The following PHC1 variants were observed in gnomAD, a reference collection of about 807,000 sequenced individuals.
The protein encoded by PHC1 is polyhomeotic-like protein 1.
Under a neutral mutation model 104.3 loss-of-function variants are expected in PHC1, and 12 were observed. The observed-to-expected ratio is 0.12, with a 90% confidence interval of 0.07 to 0.19. The LOEUF (loss-of-function observed/expected upper bound fraction) is 0.19. Ranked by LOEUF, PHC1 falls within the 10% of genes least tolerant of loss-of-function variation. PHC1 has a pLI of 1.00. For missense variants in PHC1, 671 were observed against 1,200.0 expected (o/e 0.56, Z 6.51); for synonymous variants, 302 against 455.8 (o/e 0.66, Z 4.30).
chr12:8,936,847 G>A lies in PHC1; in HGVS notation c.2369-9G>A, dbSNP rs1945851416. 1 of 1,574,122 alleles carries A rather than the reference G, an allele frequency of 6.4e-7. No individual in the cohort carries two copies. Among genetic ancestry groups the A allele is most frequent in the South Asian group, 1.1e-5 (1 of 89,476 alleles). ...CATGGTGACTGTCCAGCAATACCTT[G>A]TTTTTTAGAGTTAGATAAGAAGGCG... On this transcript the variant is annotated splice_polypyrimidine_tract_variant and intron_variant, in intron 11 of 14. Coordinates refer to ENST00000544916, the MANE Select transcript of PHC1 (RefSeq NM_004426.3).
intron 1 of PHC1, chr12:8,916,218 T>TGG (rs11431930): frequency 1.2e-4 from 18 of 153,166 alleles, no homozygotes; most frequent in Middle Eastern, 6.5e-4. Flanking sequence ...AACTAAAGAC[T>TGG]GGGGGGGGAT....
intron 2 of PHC1, 144 bp downstream of exon 2, chr12:8,917,935 A>G (rs1414123850): frequency 1.7e-6 from 1 of 590,182 alleles, no homozygotes; most frequent in African/African-American, 2.0e-5. Flanking sequence ...TCCAGCTCTG[A>G]GAATCTTAGG....
chr12:8,922,176 C>T (rs1212723603), intron 5 of PHC1, among the ~76,000 whole-genome samples: 1 of 152,178 alleles, frequency 6.6e-6, no homozygotes, highest in African/African-American at 2.4e-5. Flanking sequence ...ACCTACTTCC[C>T]ATACTTTACT....
intron 7 of PHC1, 137 bp downstream of exon 7, chr12:8,931,064 G>A: frequency 1.2e-6 from 1 of 857,190 alleles, no homozygotes; most frequent in East Asian, 2.6e-5. Flanking sequence ...GAAGGAATGG[G>A]AATAATATCA....
Position 8,933,319 on chromosome 12 carries a change from C to A in PHC1, c.1862C>A (p.Ala621Asp). Residue 621 changes from alanine to aspartate, a missense_variant, in exon 8 of 15, where the codon GCT (alanine) becomes GAT (aspartate). Coordinates refer to ENST00000544916, the MANE Select transcript of PHC1 (RefSeq NM_004426.3). ...TSSPVVAQVP[A>D]AFYMQSVHLP... is the part of the protein sequence containing the mutation. ...TCACCTGTTGTAGCCCAGGTCCCTG[C>A]TGCCTTCTATATGCAGTCTGTGCAC... 6.6e-7 allele frequency: 1 copy of A among 1,525,366 alleles called. No homozygotes were observed. 94.5% of individuals were successfully genotyped at this position (1,525,366 alleles called of 1,614,324 possible).
At position 8,921,636 on chromosome 12, in the gene PHC1, C is replaced by G. The variant is rs1051413657; in HGVS notation, c.342C>G (p.Ile114Met). 3 of 1,613,826 alleles carry G rather than the reference C, an allele frequency of 1.9e-6. No homozygotes were observed. Among genetic ancestry groups the G allele is most frequent in the Non-Finnish European group, 2.5e-6 (3 of 1,179,886 alleles). ...CCACCACATCGGCCGCCCAGCTCAT[C>G]AGCCGATCCCAGAGTGTGAGCTCTC... is the stretch of plus-strand genomic sequence containing the variant. ...NLATTSAAQL[I>M]SRSQSVSSPS... Residue 114 changes from isoleucine (I) to methionine (M), a missense_variant, in exon 5 of 15, where the codon ATC (isoleucine) becomes ATG (methionine). Transcript: ENST00000544916.
intron 2 of PHC1, 51 bp downstream of exon 2, chr12:8,917,842 G>A: frequency 1.1e-6 from 1 of 937,990 alleles, no homozygotes; most frequent in South Asian, 1.6e-5. Context: ...GCTTGTGGTA[G>A]GCAGTGATGC....
Position 8,930,423 on chromosome 12 carries a change from C to T in PHC1, c.613-12C>T, listed in dbSNP as rs368905832. On this transcript the variant is annotated splice_polypyrimidine_tract_variant and intron_variant, in intron 6 of 14. Transcript: ENST00000544916. Reference sequence around the variant, plus strand: ...TCCTCCTTTTCTCAATCTGTTTTTTCGTATCTTTCAGGTTCAGAACTTGGC... The same window carrying T: ...TCCTCCTTTTCTCAATCTGTTTTTTTGTATCTTTCAGGTTCAGAACTTGGC... 8.7e-6 allele frequency: 14 copies of T among 1,606,564 alleles called. No homozygotes were observed. The highest frequency in any genetic ancestry group is 1.7e-5 in the Admixed American group (1 of 58,624).
intron 1 of PHC1, among the ~76,000 whole-genome samples, chr12:8,916,700 T>G (rs1392647238): frequency 3.3e-5 from 5 of 152,154 alleles, no homozygotes; most frequent in Non-Finnish European, 7.3e-5. Context: ...CATCTTACTT[T>G]CTTGAAGATT....
At chr12:8,924,690 G>T (rs1285239281) in intron 6 of PHC1, among the ~76,000 whole-genome samples, 3 of 152,182 alleles carry the variant, frequency 2.0e-5, no homozygotes, top group African/African-American at 7.2e-5. Flanking sequence ...TGTGTGGTAG[G>T]CGTTGGAGAT....
Position 8,937,181 on chromosome 12 carries a change from A to G in PHC1, c.2483A>G (p.Asn828Ser). 2 of 1,611,246 alleles carry G rather than the reference A, an allele frequency of 1.2e-6. No individual in the cohort carries two copies. Among genetic ancestry groups the G allele is most frequent in the Non-Finnish European group, 1.7e-6 (2 of 1,178,588 alleles). Residue 828 changes from asparagine to serine, a missense_variant, in exon 13 of 15, where the codon AAT becomes AGT. Physicochemically the swap from Asn to Ser is conservative, Grantham distance 46. Transcript: ENST00000544916. The part of the protein sequence containing the change: ...FCSMTCAKRY[N>S]VSCSHQFRLK... Reference sequence around the variant, plus strand: ...ATATATGCCCTGTCCTGTAGGTACAATGTGAGCTGTAGCCATCAGTTCCGG... The same window carrying G: ...ATATATGCCCTGTCCTGTAGGTACAGTGTGAGCTGTAGCCATCAGTTCCGG...
intron 1 of PHC1, among the ~76,000 whole-genome samples, chr12:8,915,444 A>T (rs765341160): frequency 6.6e-6 from 1 of 151,344 alleles, no homozygotes; most frequent in African/African-American, 2.4e-5. Context: ...GCATGATAAG[A>T]GTTTCGTGCT....
At chr12:8,916,547 G>A (rs1945206228) in intron 1 of PHC1, among the ~76,000 whole-genome samples, 1 of 152,006 alleles carries the variant, frequency 6.6e-6, no homozygotes, top group South Asian at 2.1e-4. Flanking sequence ...TTGTCATTTA[G>A]TGCTGCTTTG....
intron 14 of PHC1, among the ~76,000 whole-genome samples, chr12:8,938,440 GTCT>G (rs1430445255): frequency 7.1e-6 from 1 of 141,646 alleles, no homozygotes; most frequent in African/African-American, 2.5e-5. Context: ...TTGTTTGCTA[GTCT>G]TCTTTTTTTT....
intron 6 of PHC1, among the ~76,000 whole-genome samples, chr12:8,929,980 C>G (rs1371404394): frequency 6.6e-6 from 1 of 152,168 alleles, no homozygotes; most frequent in Non-Finnish European, 1.5e-5. Context: ...CTTCTCTGTA[C>G]TCCTATGGTA....
chr12:8,923,712 C>T (rs1054702257), intron 6 of PHC1, among the ~76,000 whole-genome samples: 3 of 151,712 alleles, frequency 2.0e-5, no homozygotes, highest in African/African-American at 4.8e-5. Flanking sequence ...TGCTTGTAGT[C>T]CCAACTACCT....
chr12:8,918,836 ATGTAT>A (rs1945276552), intron 2 of PHC1, among the ~76,000 whole-genome samples: 1 of 152,164 alleles, frequency 6.6e-6, no homozygotes. Context: ...GTTTTGAGAA[ATGTAT>A]TGTTGGACGA....
At chr12:8,934,573 T>A (rs1485054586) in intron 10 of PHC1, 95 bp downstream of exon 10, 3 of 818,522 alleles carry the variant, frequency 3.7e-6, no homozygotes, top group Non-Finnish European at 5.8e-6. Flanking sequence ...CACAGAACTA[T>A]TTAATGAAAG....
intron 6 of PHC1, among the ~76,000 whole-genome samples, chr12:8,926,120 C>T (rs966351010): frequency 1.3e-5 from 2 of 152,066 alleles, no homozygotes; most frequent in African/African-American, 2.4e-5. Flanking sequence ...TTTAGAGTGA[C>T]GTTCAGTTTT....
Sources: gnomAD v4.1 joint callset for allele counts (sites outside exome capture counted in the v4.1 genomes callset) on GRCh38, gnomAD v4.1.1 for gene constraint, MANE v1.5 for transcripts, NCBI Gene and HGNC (gene_info 2026-07-23, HGNC 2026-07-21) for gene names.